HUNK: variants seen among roughly 807,000 people sequenced by gnomAD.
HUNK encodes the protein hormonally up-regulated Neu-associated kinase, also known as hormonally up-regulated neu tumor-associated kinase.
Under a neutral mutation model 61.0 loss-of-function variants are expected in HUNK, and 21 were observed. That is an observed-to-expected ratio of 0.34 (90% CI 0.24 to 0.50). The LOEUF (loss-of-function observed/expected upper bound fraction) is 0.50, where lower values mean the gene tolerates loss of function less well. Among genes scored for constraint, HUNK ranks in the 20% least tolerant of loss-of-function variants. The pLI is 0.98. For missense variants in HUNK, 772 were observed against 945.7 expected, an observed-to-expected ratio of 0.82 and a Z score of 2.41; for synonymous variants, 371 against 386.1, an observed-to-expected ratio of 0.96 and a Z score of 0.46.
chr21:31,985,285 G>A (rs559989554), intron 8 of HUNK, among the ~76,000 whole-genome samples: 35 of 152,292 alleles, frequency 2.3e-4, no homozygotes, highest in African/African-American at 6.7e-4. Context: ...CTTTTCCAAC[G>A]TAAAGTTTTC....
intron 9 of HUNK, among the ~76,000 whole-genome samples, chr21:31,991,590 G>A (rs2053172546): frequency 6.6e-6 from 1 of 152,174 alleles, no homozygotes; most frequent in African/African-American, 2.4e-5. Flanking sequence ...TATGTGATGG[G>A]TGACAAGGAA....
intron 2 of HUNK, among the ~76,000 whole-genome samples, chr21:31,931,577 C>G (rs999103682): frequency 2.2e-4 from 34 of 152,160 alleles, no homozygotes; most frequent in African/African-American, 7.0e-4. Context: ...GTTGGCGGGT[C>G]CATTAGAGAG....
Position 31,924,141 on chromosome 21 carries a change from A to G in HUNK, c.262-327A>G, listed in dbSNP as rs1380441563. ...TTGTTATTTCATCTTCCCATCCTGT[A>G]GAAAAATAAATTTGACATTAATCCT... is the stretch of plus-strand genomic sequence containing the variant. On this transcript the variant is annotated intron_variant, in intron 1 of 10. Coordinates refer to ENST00000270112, the MANE Select transcript of HUNK (RefSeq NM_014586.2). This position sits in a 1 kb window ranked among gnomAD's most constrained non-coding sequence, Gnocchi z 5.1. Among the ~76,000 whole-genome samples, 1 of 152,174 alleles carries G rather than the reference A, an allele frequency of 6.6e-6. No homozygotes were observed. Among genetic ancestry groups the G allele is most frequent in the East Asian group, 1.9e-4 (1 of 5,190 alleles).
intron 1 of HUNK, among the ~76,000 whole-genome samples, chr21:31,917,290 T>C (rs1219338406): frequency 1.3e-5 from 2 of 151,866 alleles, no homozygotes; most frequent in Non-Finnish European, 2.9e-5. Context: ...ACTCCCAGAC[T>C]CAAGCGATCC....
intron 2 of HUNK, among the ~76,000 whole-genome samples, chr21:31,925,952 C>T (rs946579107): frequency 4.0e-5 from 6 of 149,850 alleles, no homozygotes; most frequent in East Asian, 1.9e-4. Context: ...GACTGAGTCT[C>T]GCTTTGTCGC....
chr21:31,880,655 G>A (rs188831440), intron 1 of HUNK, among the ~76,000 whole-genome samples: 7 of 152,218 alleles, frequency 4.6e-5, no homozygotes, highest in Non-Finnish European at 1.0e-4. Context: ...ATTTTAACTC[G>A]ATGACATCTA....
At chr21:31,916,917 T>A (rs1462122690) in intron 1 of HUNK, among the ~76,000 whole-genome samples, 1 of 151,792 alleles carries the variant, frequency 6.6e-6, no homozygotes, top group Non-Finnish European at 1.5e-5. Context: ...CCTCAAGTTA[T>A]CACCAGCCTC....
At chr21:31,875,587 T>C (rs1601353252) in intron 1 of HUNK, among the ~76,000 whole-genome samples, 4 of 152,272 alleles carry the variant, frequency 2.6e-5, no homozygotes, top group Admixed American at 2.6e-4. Flanking sequence ...CGATTCGTAG[T>C]GAGCTGTCTG....
In HUNK at chr21:32,000,212, A is replaced by G; in HGVS notation, c.*1028A>G. On this transcript the variant is annotated 3_prime_UTR_variant, in exon 11 of 11. Coordinates refer to ENST00000270112, the MANE Select transcript of HUNK (RefSeq NM_014586.2). ...GAGAAGGCAGCATTATCTCTGTGCG[A>G]TGCTGATTTCAAGCTGCCCACAGAA... 1 of 399,114 alleles carries G rather than the reference A, an allele frequency of 2.5e-6. No homozygotes were observed. Among genetic ancestry groups the G allele is most frequent in the Non-Finnish European group, 4.4e-6 (1 of 226,088 alleles). The allele number at this position is 399,114 out of a possible 1,614,324, so 24.7% of individuals were successfully genotyped here. A position where few individuals can be genotyped will look rare whatever the true frequency, so the allele number is the denominator to read the frequency against.
At chr21:31,923,040 T>C (rs1374142562) in intron 1 of HUNK, among the ~76,000 whole-genome samples, 1 of 152,022 alleles carries the variant, frequency 6.6e-6, no homozygotes, top group South Asian at 2.1e-4. Flanking sequence ...AGGCGGGTGG[T>C]GTAGGGGAAC....
intron 7 of HUNK, among the ~76,000 whole-genome samples, chr21:31,979,779 T>G (rs914295522): frequency 6.6e-5 from 10 of 152,246 alleles, no homozygotes; most frequent in African/African-American, 2.4e-5. Context: ...CCTCCCAAAG[T>G]GCTGGGATTA....
intron 1 of HUNK, among the ~76,000 whole-genome samples, chr21:31,878,974 T>C (rs905314006): frequency 2.0e-5 from 3 of 152,218 alleles, no homozygotes; most frequent in South Asian, 2.1e-4. Context: ...AGCCGGCTTG[T>C]CACTTCCATC....
intron 1 of HUNK, among the ~76,000 whole-genome samples, chr21:31,883,284 C>T (rs2052322444): frequency 1.3e-5 from 2 of 152,130 alleles, no homozygotes; most frequent in South Asian, 2.1e-4. Flanking sequence ...TTTGCTTTTC[C>T]ACATGTCAGC....
At position 31,907,348 on chromosome 21, in the gene HUNK, T is replaced by A. The variant is rs1187496595; in HGVS notation, c.262-17120T>A. ...TGATAATATTTTAGATAAATGGGGTTATAGGAAATAGAGTGTTAGTTAATT... is the reference window on the plus strand; with the variant it reads ...TGATAATATTTTAGATAAATGGGGTAATAGGAAATAGAGTGTTAGTTAATT... On this transcript the variant is annotated intron_variant, in intron 1 of 10. Transcript: ENST00000270112. Among the ~76,000 whole-genome samples, 3 of 152,210 alleles carry A rather than the reference T, an allele frequency of 2.0e-5. No homozygotes were observed. In the East Asian group the frequency reaches 5.8e-4, roughly 29 times the overall value.
intron 9 of HUNK, among the ~76,000 whole-genome samples, chr21:31,992,910 C>T (rs1568943740): frequency 6.6e-6 from 1 of 152,148 alleles, no homozygotes; most frequent in Non-Finnish European, 1.5e-5. Context: ...GAGGTTTGTC[C>T]CCGACAGGGA....
At chr21:31,981,970 A>ATGTGCCATGGTGGTTTGCTGCACAG (rs1248375267) in intron 7 of HUNK, among the ~76,000 whole-genome samples, 50 of 152,150 alleles carry the variant, frequency 3.3e-4, no homozygotes, top group Non-Finnish European at 8.8e-5. Flanking sequence ...TTACATAAGT[A>ATGTGCCATGGTGGTTTGCTGCACAG]AACATGTGCC....
Position 31,949,907 on chromosome 21 carries a change from A to G in HUNK, c.746+3736A>G, listed in dbSNP as rs1279418832. On this transcript the variant is annotated intron_variant, in intron 4 of 10. Coordinates refer to ENST00000270112, the MANE Select transcript of HUNK (RefSeq NM_014586.2). ...TGTAATGATCAGCATGTATTGACTC[A>G]TCCTATCTGCCTAACAACCCTTCAA... Among the ~76,000 whole-genome samples the G allele has an allele frequency of 2.0e-5, 3 of 152,126 alleles. No individual in the cohort carries two copies. In the East Asian group the frequency reaches 5.8e-4, roughly 29 times the overall value.
intron 2 of HUNK, among the ~76,000 whole-genome samples, chr21:31,931,668 C>T (rs924772909): frequency 1.3e-5 from 2 of 152,160 alleles, no homozygotes; most frequent in Non-Finnish European, 2.9e-5. Context: ...CCTCCTCACT[C>T]GGGGTGTTCA....
In HUNK at chr21:31,924,595, T is replaced by C; in HGVS notation, c.389T>C (p.Leu130Ser). 6.2e-7 allele frequency: 1 copy of C among 1,614,224 alleles called. No homozygotes were observed. The highest frequency in any genetic ancestry group is 8.5e-7 in the Non-Finnish European group (1 of 1,180,042). Reference protein sequence around the residue: ...HPNITQLLDILETENSYYLVM... With the variant: ...HPNITQLLDISETENSYYLVM... ...AATATCACTCAGCTCCTTGATATTTTAGAAACGGAAAACAGCTACTACCTG... is the reference window on the plus strand; with the variant it reads ...AATATCACTCAGCTCCTTGATATTTCAGAAACGGAAAACAGCTACTACCTG... Residue 130 changes from leucine to serine, a missense_variant, in exon 2 of 11, where the codon TTA (leucine) becomes TCA (serine). Physicochemically the swap from Leu to Ser is moderately radical, Grantham distance 145 (BLOSUM62 -2). Transcript: ENST00000270112. The surrounding 1 kb of genome is among the most constrained non-coding windows in gnomAD (Gnocchi z 5.1).
Sources: gnomAD v4.1 joint callset for allele counts (sites outside exome capture counted in the v4.1 genomes callset) on GRCh38, gnomAD v4.1.1 for gene constraint, Gnocchi (gnomAD v3.1) non-coding constraint, MANE v1.5 for transcripts, NCBI Gene and HGNC (gene_info 2026-07-23, HGNC 2026-07-21) for gene names.